Variants in GCDH observed in about 807,000 individuals in gnomAD.
The protein encoded by GCDH is glutaryl-CoA dehydrogenase, mitochondrial.
A neutral mutation model predicts 52.8 loss-of-function variants in GCDH; 31 were observed. That is an observed-to-expected ratio of 0.59 (90% CI 0.44 to 0.79). GCDH has a LOEUF of 0.79. GCDH is among the 30% of genes least tolerant of loss of function. The probability of loss-of-function intolerance (pLI) is 0.00; values close to 1 mark genes in which losing one functional copy is unlikely to be tolerated. For missense variants in GCDH, 509 were observed against 595.0 expected (o/e 0.86, Z 1.50); for synonymous variants, 242 against 250.0 (o/e 0.97, Z 0.30).
In GCDH at chr19:12,891,903, T is replaced by A; in HGVS notation, c.200T>A (p.Ile67Asn). The A allele has an allele frequency of 1.2e-6, 2 of 1,614,212 alleles. No homozygotes were observed. Among genetic ancestry groups the A allele is most frequent in the Non-Finnish European group, 1.7e-6 (2 of 1,180,002 alleles). ...EEQLTTDEIL[I>N]RDTFRTYCQE... ...CAGCTGACCACAGATGAGATCCTCA[T>A]CAGGGACACCTTCCGCACCTACTGC... Residue 67 changes from isoleucine (I) to asparagine (N), a missense_variant, in exon 4 of 12, where the codon ATC becomes AAC. Transcript: ENST00000222214.
chr19:12,891,443 G>A lies in GCDH; in HGVS notation c.92-44G>A, dbSNP rs778420613. 4 of 1,614,118 alleles carry A rather than the reference G, an allele frequency of 2.5e-6. No homozygotes were observed. In the East Asian group the frequency reaches 8.9e-5, roughly 36 times the overall value. On this transcript the variant is annotated intron_variant, in intron 2 of 11. Coordinates refer to ENST00000222214, the MANE Select transcript of GCDH (RefSeq NM_000159.4). The stretch of plus-strand genomic sequence containing the variant: ...GGAGGGAAGGAGGGAGGAACTGGGG[G>A]TTTAGGGACTTTCCGGGGTGACTTT...
At chr19:12,892,417 T>G (rs1970581796) in intron 5 of GCDH, 1 of 584,330 alleles carries the variant, frequency 1.7e-6, no homozygotes, top group Non-Finnish European at 3.1e-6. Flanking sequence ...TCCACCCCTC[T>G]AGTAGCTGGG....
chr19:12,894,158 C>A (rs907080680), intron 6 of GCDH: 65 of 1,561,506 alleles, frequency 4.2e-5, no homozygotes, highest in Non-Finnish European at 5.4e-5. Context: ...TCCTTCCCAG[C>A]CACTGGCTGC....
chr19:12,895,362 C>T (rs1970648849), intron 6 of GCDH, among the ~76,000 whole-genome samples: 1 of 152,018 alleles, frequency 6.6e-6, no homozygotes, highest in South Asian at 2.1e-4. Flanking sequence ...CCAGTTCAAG[C>T]AATTCCTGTG....
chr19:12,892,054 TG>T, intron 4 of GCDH, 61 bp from the exon 5 acceptor site: 1 of 1,612,762 alleles, frequency 6.2e-7, no homozygotes, highest in Non-Finnish European at 8.5e-7. Flanking sequence ...CCTCTGTCCT[TG>T]GGGCTGGGGC....
intron 5 of GCDH, among the ~76,000 whole-genome samples, chr19:12,892,947 G>A (rs1472847386): frequency 6.7e-6 from 1 of 149,168 alleles, no homozygotes; most frequent in Non-Finnish European, 1.5e-5. Flanking sequence ...TTACAGTGGT[G>A]CGATCCTGGC....
rs1422889400 is a variant in GCDH, at chr19:12,891,836, C to T, written c.133C>T (p.Arg45Cys). 1 of 1,613,882 alleles carries T rather than the reference C, an allele frequency of 6.2e-7. No homozygotes were observed. Among genetic ancestry groups the T allele is most frequent in the Non-Finnish European group, 8.5e-7 (1 of 1,180,018 alleles). The stretch of plus-strand genomic sequence containing the variant: ...AGGCGAATTCCCCTTCCCAGCCTCG[C>T]GTCCCGAGTTTGACTGGCAGGACCC... ...RTQSQLAKSS[R>C]PEFDWQDPLV... The change falls in exon 4 of 12, where the codon CGT becomes TGT. Residue 45 changes from arginine to cysteine, a missense_variant. Coordinates refer to ENST00000222214, the MANE Select transcript of GCDH (RefSeq NM_000159.4).
intron 4 of GCDH, 34 bp downstream of exon 4, chr19:12,892,008 C>T (rs367894406): frequency 8.1e-6 from 13 of 1,614,180 alleles, no homozygotes; most frequent in Middle Eastern, 1.6e-4. Flanking sequence ...GAGACTGCTC[C>T]TCCGCCTGGA....
At chr19:12,894,059 G>A (rs938538934) in intron 6 of GCDH, 31 of 686,812 alleles carry the variant, frequency 4.5e-5, no homozygotes, top group Non-Finnish European at 6.5e-5. Flanking sequence ...AAAAAGGAAA[G>A]AGCCTATGTG....
chr19:12,896,770 C>A lies in GCDH; in HGVS notation c.853-140C>A. ...CAGGCACCGAGCTTCAGTGCCAGGGCCATCTGTGATGTGAACCACAACCTG... is the reference window on the plus strand; with the variant it reads ...CAGGCACCGAGCTTCAGTGCCAGGGACATCTGTGATGTGAACCACAACCTG... On this transcript the variant is annotated intron_variant, in intron 8 of 11. Transcript: ENST00000222214. This position sits in a 1 kb window ranked among gnomAD's most constrained non-coding sequence, Gnocchi z 5.5. 1.4e-6 allele frequency: 1 copy of A among 705,936 alleles called. No homozygotes were observed. Among genetic ancestry groups the A allele is most frequent in the South Asian group, 1.5e-5 (1 of 66,976 alleles). The allele number at this position is 705,936 out of a possible 1,614,324, so 43.7% of individuals were successfully genotyped here.
At chr19:12,895,874 C>T (rs1970662912) in intron 6 of GCDH, 118 bp from the exon 7 acceptor site, 6 of 1,274,216 alleles carry the variant, frequency 4.7e-6, no homozygotes, top group Non-Finnish European at 6.8e-6. Flanking sequence ...CCTGCCTTGG[C>T]CTCCTAAAGT....
At chr19:12,897,928 G>A in intron 11 of GCDH, 65 bp downstream of exon 11, 1 of 1,404,670 alleles carries the variant, frequency 7.1e-7, no homozygotes, top group South Asian at 1.2e-5. Flanking sequence ...ACAGGGAGGT[G>A]GGACGGGGAC....
In GCDH at chr19:12,891,473, T is replaced by C. The variant is rs185661323; in HGVS notation, c.92-14T>C. On this transcript the variant is annotated splice_polypyrimidine_tract_variant and intron_variant, in intron 2 of 11. Transcript: ENST00000222214. ...GGGACTTTCCGGGGTGACTTTCCCG[T>C]TCTGTGCTTGCAGAGAAAGGCGGGA... The C allele has an allele frequency of 4.3e-5, 69 of 1,614,184 alleles. No individual in the cohort carries two copies. The Middle Eastern group carries it at 8.2e-4, about 19-fold the overall frequency.
At chr19:12,893,749 T>C in intron 6 of GCDH, 96 bp downstream of exon 6, 1 of 1,188,558 alleles carries the variant, frequency 8.4e-7, no homozygotes, top group East Asian at 2.3e-5. Flanking sequence ...TCTGTCCCTA[T>C]CTCAAAGATA....
chr19:12,895,416 G>T (rs1448000875), intron 6 of GCDH, among the ~76,000 whole-genome samples: 1 of 151,722 alleles, frequency 6.6e-6, no homozygotes, highest in South Asian at 2.1e-4. Context: ...CTTGCTACCC[G>T]TGCCTGGCTA....
intron 6 of GCDH, 77 bp from the exon 7 acceptor site, chr19:12,895,915 C>T: frequency 6.4e-7 from 1 of 1,571,070 alleles, no homozygotes; most frequent in East Asian, 2.2e-5. Flanking sequence ...CCACTGCACC[C>T]CGCCACGAGG....
chr19:12,899,528 C>T lies in GCDH; in HGVS notation c.1304C>T (p.Thr435Met), dbSNP rs770100685. The change falls in exon 12 of 12, where the codon ACG (threonine) becomes ATG (methionine). Residue 435 changes from threonine to methionine, a missense_variant. Transcript: ENST00000222214. ...GCTATCACGGGAATCCAGGCGTTCA[C>T]GGCCAGCAAGTGAGCCGCTCCATCA... ...GRAITGIQAF[T>M]ASK is the part of the protein sequence containing the mutation. 2.5e-5 allele frequency: 41 copies of T among 1,614,044 alleles called. No homozygotes were observed. Among genetic ancestry groups the T allele is most frequent in the Admixed American group, 1.3e-4 (8 of 59,998 alleles).
At position 12,899,576 on chromosome 19, in the gene GCDH, C is replaced by G. The variant is rs1970786241; in HGVS notation, c.*35C>G. On this transcript the variant is annotated 3_prime_UTR_variant, in exon 12 of 12. Coordinates refer to ENST00000222214, the MANE Select transcript of GCDH (RefSeq NM_000159.4). The stretch of plus-strand genomic sequence containing the variant: ...TCAGGGGCCCGAAACTCTCAAGCCC[C>G]TTTCTGGAGAGATGCCTGGCTGGAC... The G allele has an allele frequency of 6.2e-7, 1 of 1,613,994 alleles. No homozygotes were observed. Among genetic ancestry groups the G allele is most frequent in the Non-Finnish European group, 8.5e-7 (1 of 1,179,954 alleles).
Position 12,899,723 on chromosome 19 carries a change from A to G in GCDH, c.*182A>G, listed in dbSNP as rs746040182. The stretch of plus-strand genomic sequence containing the variant: ...AGTCGTTCAGATGTGTTCCTTAAAA[A>G]GAAGATGGAATTCTCTGTAGAGCGT... On this transcript the variant is annotated 3_prime_UTR_variant, in exon 12 of 12. Transcript: ENST00000222214. 1 of 1,612,386 alleles carries G rather than the reference A, an allele frequency of 6.2e-7. No homozygotes were observed. Among genetic ancestry groups the G allele is most frequent in the South Asian group, 1.1e-5 (1 of 90,218 alleles).
Sources: gnomAD v4.1 joint callset for allele counts (sites outside exome capture counted in the v4.1 genomes callset) on GRCh38, gnomAD v4.1.1 for gene constraint, Gnocchi (gnomAD v3.1) non-coding constraint, MANE v1.5 for transcripts, NCBI Gene and HGNC (gene_info 2026-07-23, HGNC 2026-07-21) for gene names.